Variants in CHSY3 observed in about 807,000 individuals in gnomAD.
The protein encoded by CHSY3 is chondroitin sulfate synthase 3.
A neutral mutation model predicts 67.2 loss-of-function variants in CHSY3; 35 were observed. The ratio of observed to expected loss-of-function variants is 0.52; its 90% CI spans 0.40 to 0.69. CHSY3 has a LOEUF of 0.69. CHSY3 is among the 30% of genes least tolerant of loss of function. CHSY3 has a pLI of 0.00. For missense variants in CHSY3, 1,069 were observed against 1,138.5 expected (o/e 0.94, Z 0.88); for synonymous variants, 474 against 434.7 (o/e 1.09, Z -1.12).
At chr5:130,135,307 T>C (rs1468092057) in intron 2 of CHSY3, among the ~76,000 whole-genome samples, 1 of 151,898 alleles carries the variant, frequency 6.6e-6, no homozygotes, top group African/African-American at 2.4e-5. Flanking sequence ...CCCTGTGCTG[T>C]ACTTTAGTTT....
intron 2 of CHSY3, among the ~76,000 whole-genome samples, chr5:130,053,469 G>C (rs1765430618): frequency 6.6e-6 from 1 of 152,120 alleles, no homozygotes; most frequent in African/African-American, 2.4e-5. Flanking sequence ...CGTTAGTAAT[G>C]ATGGTCATTC....
chr5:130,084,100 T>G (rs185833686), intron 2 of CHSY3, among the ~76,000 whole-genome samples: 99 of 152,152 alleles, frequency 6.5e-4, no homozygotes, highest in African/African-American at 2.1e-3. Context: ...TGAGGGATAT[T>G]TCATTGTCTC....
chr5:130,176,668 A>C (rs893265268), intron 2 of CHSY3, among the ~76,000 whole-genome samples: 2 of 152,228 alleles, frequency 1.3e-5, no homozygotes, highest in African/African-American at 4.8e-5. Flanking sequence ...CAGCCATAAA[A>C]AAGGATGAGT....
chr5:129,930,636 A>G (rs950094210), intron 2 of CHSY3, among the ~76,000 whole-genome samples: 1 of 151,934 alleles, frequency 6.6e-6, no homozygotes, highest in Non-Finnish European at 1.5e-5. Context: ...TTTCACCTAC[A>G]TCAAAGCTGT....
Position 130,143,824 on chromosome 5 carries a change from A to G in CHSY3, c.1087-40405A>G, listed in dbSNP as rs1221774604. Among the ~76,000 whole-genome samples, 16 of 127,782 alleles carry G rather than the reference A, an allele frequency of 1.3e-4. 1 individual carries two copies. The East Asian group carries it at 2.9e-3, about 23-fold the overall frequency. The allele number at this position is 127,782 out of a possible 152,430, so 83.8% of individuals were successfully genotyped here. On this transcript the variant is annotated intron_variant, in intron 2 of 2. Coordinates refer to ENST00000305031, the MANE Select transcript of CHSY3 (RefSeq NM_175856.5). ...TATATATGTGTGTATATATATATAT[A>G]TATATATATATATATATATATATGC...
intron 2 of CHSY3, among the ~76,000 whole-genome samples, chr5:130,044,155 T>C (rs975991551): frequency 5.3e-5 from 8 of 152,098 alleles, no homozygotes; most frequent in Non-Finnish European, 1.2e-4. Flanking sequence ...ACTGAAAAAT[T>C]TGAACAATTC....
At chr5:129,919,763 AT>A (rs537624511) in intron 2 of CHSY3, among the ~76,000 whole-genome samples, 65 of 152,342 alleles carry the variant, frequency 4.3e-4, no homozygotes, top group African/African-American at 1.5e-3. Context: ...ATCAGTTGGC[AT>A]TCTGTCAATG....
chr5:130,020,420 A>C, intron 2 of CHSY3, among the ~76,000 whole-genome samples: 1 of 59,216 alleles, frequency 1.7e-5, no homozygotes, highest in Non-Finnish European at 3.2e-5. Flanking sequence ...ACTTCATCTC[A>C]AAATATATAT....
intron 2 of CHSY3, among the ~76,000 whole-genome samples, chr5:130,074,385 A>G (rs1217317320): frequency 6.6e-6 from 1 of 152,160 alleles, no homozygotes; most frequent in Non-Finnish European, 1.5e-5. Flanking sequence ...AACTTTTTTT[A>G]ATAGTGTACC....
In CHSY3 at chr5:130,186,612, G is replaced by T. The variant is rs935318263; in HGVS notation, c.*821G>T. Reference sequence around the variant, plus strand: ...TTTAAAATAAAACACAGGTATAGCAGTATTCTTTTTCAAAAACACTGACAA... The same window carrying T: ...TTTAAAATAAAACACAGGTATAGCATTATTCTTTTTCAAAAACACTGACAA... On this transcript the variant is annotated 3_prime_UTR_variant, in exon 3 of 3. Coordinates refer to ENST00000305031, the MANE Select transcript of CHSY3 (RefSeq NM_175856.5). 1 of 152,692 alleles carries T rather than the reference G, an allele frequency of 6.5e-6. No homozygotes were observed. The highest frequency in any genetic ancestry group is 2.4e-5 in the African/African-American group (1 of 41,442). The allele number at this position is 152,692 out of a possible 1,614,324, so 9.5% of individuals were successfully genotyped here. A position where few individuals can be genotyped will look rare whatever the true frequency, so the allele number is the denominator to read the frequency against.
chr5:130,010,561 A>C (rs1320966275), intron 2 of CHSY3, among the ~76,000 whole-genome samples: 1 of 152,240 alleles, frequency 6.6e-6, no homozygotes, highest in Non-Finnish European at 1.5e-5. Context: ...AAGAGCTAAC[A>C]TCACACCTAA....
intron 2 of CHSY3, among the ~76,000 whole-genome samples, chr5:130,020,455 ATATATATTTTTT>A (rs1323413638): frequency 0.029 from 95 of 3,264 alleles, no homozygotes; most frequent in Non-Finnish European, 0.048. Flanking sequence ...ATATATATAT[ATATATATTTTTT>A]TTTTTTTTTT....
chr5:129,935,323 T>C (rs995728750), intron 2 of CHSY3, among the ~76,000 whole-genome samples: 2 of 152,186 alleles, frequency 1.3e-5, no homozygotes, highest in Admixed American at 6.5e-5. Context: ...GTTTTTTGTT[T>C]AATTTTGGCA....
Position 130,184,879 on chromosome 5 carries a change from T to G in CHSY3, c.1737T>G (p.Asp579Glu), listed in dbSNP as rs1294397411. 3.8e-6 allele frequency: 6 copies of G among 1,579,284 alleles called. No individual in the cohort carries two copies. In the African/African-American group the frequency reaches 6.7e-5, roughly 18 times the overall value. Residue 579 changes from aspartate (D) to glutamate (E), a missense_variant, in exon 3 of 3, where the codon GAT becomes GAG. Asp to Glu is a conservative substitution (Grantham distance 45). This residue lies in a region of CHSY3 where 401 missense variants were observed against 395.2 expected (regional missense o/e 1.01). Coordinates refer to ENST00000305031, the MANE Select transcript of CHSY3 (RefSeq NM_175856.5). ...TCTTCAGAGAGACCGAAGAGCTAGATGTCAACAGTCTTGTGGAGAGTATTA... is the reference window on the plus strand; with the variant it reads ...TCTTCAGAGAGACCGAAGAGCTAGAGGTCAACAGTCTTGTGGAGAGTATTA... ...KPFFRETEEL[D>E]VNSLVESINS...
chr5:130,062,594 C>T (rs1198010123), intron 2 of CHSY3, among the ~76,000 whole-genome samples: 1 of 151,982 alleles, frequency 6.6e-6, no homozygotes, highest in Non-Finnish European at 1.5e-5. Context: ...ACTTTAAGTT[C>T]TAAGGTACAT....
At chr5:130,016,932 G>A (rs564913415) in intron 2 of CHSY3, among the ~76,000 whole-genome samples, 4 of 152,208 alleles carry the variant, frequency 2.6e-5, no homozygotes, top group South Asian at 4.2e-4. Flanking sequence ...ATGATCAACC[G>A]ACACATTAGG....
In CHSY3 at chr5:130,017,413, GTTT is replaced by G. The variant is rs1488140623; in HGVS notation, c.1086+109056_1086+109058del. 2.6e-5 allele frequency among the ~76,000 whole-genome samples: 4 copies of G among 152,030 alleles called. No homozygotes were observed. In the South Asian group the frequency reaches 8.4e-4, roughly 32 times the overall value. ...AATCTTCCCACTGCCTCTCCAGTAGGTTTTTAACAGTTTGCAAGCACTGGTGTG... is the reference window on the plus strand; with the variant it reads ...AATCTTCCCACTGCCTCTCCAGTAGGTTAACAGTTTGCAAGCACTGGTGTG... On this transcript the variant is annotated intron_variant, in intron 2 of 2. Transcript: ENST00000305031.
At chr5:130,127,638 A>C (rs1455246977) in intron 2 of CHSY3, among the ~76,000 whole-genome samples, 1 of 152,194 alleles carries the variant, frequency 6.6e-6, no homozygotes, top group Non-Finnish European at 1.5e-5. Context: ...TTAAGTCATA[A>C]ATTAGGAAAA....
At chr5:129,942,029 C>T (rs116678779) in intron 2 of CHSY3, among the ~76,000 whole-genome samples, 1,541 of 152,210 alleles carry the variant, frequency 0.01, 27 homozygotes, top group African/African-American at 0.035. Context: ...GAACCCAGTC[C>T]TCTTGGGTTT....
Sources: gnomAD v4.1 joint callset for allele counts (sites outside exome capture counted in the v4.1 genomes callset) on GRCh38, gnomAD v4.1.1 for gene constraint, gnomAD v4.1.1 regional missense constraint, MANE v1.5 for transcripts, NCBI Gene and HGNC (gene_info 2026-07-23, HGNC 2026-07-21) for gene names.